The following ATXN1 variants were observed in gnomAD, a reference collection of about 807,000 sequenced individuals.
ATXN1 encodes ataxin-1.
Under a neutral mutation model 56.4 loss-of-function variants are expected in ATXN1, and 8 were observed. That is an observed-to-expected ratio of 0.14 (90% CI 0.08 to 0.26). The LOEUF (loss-of-function observed/expected upper bound fraction) is 0.26. Ranked by LOEUF, ATXN1 falls within the 10% of genes least tolerant of loss-of-function variation. The pLI, the probability that ATXN1 is intolerant of heterozygous loss-of-function variation, is 1.00. For synonymous variants in ATXN1, 514 were observed against 494.6 expected (o/e 1.04, Z -0.52); for missense variants, 987 against 1,106.5 (o/e 0.89, Z 1.53).
At chr6:16,695,061 C>A (rs1759134319) in intron 2 of ATXN1, among the ~76,000 whole-genome samples, 1 of 152,198 alleles carries the variant, frequency 6.6e-6, no homozygotes, top group African/African-American at 2.4e-5. Flanking sequence ...TTCACAACCA[C>A]CTACCACCCA....
At chr6:16,461,694 T>C (rs776474556) in intron 6 of ATXN1, among the ~76,000 whole-genome samples, 3 of 152,204 alleles carry the variant, frequency 2.0e-5, no homozygotes, top group Non-Finnish European at 2.9e-5. Flanking sequence ...AGATTTGGGC[T>C]TCCCCAAAGC....
intron 6 of ATXN1, among the ~76,000 whole-genome samples, chr6:16,475,233 A>G (rs1054424633): frequency 6.6e-6 from 1 of 152,166 alleles, no homozygotes; most frequent in Non-Finnish European, 1.5e-5. Flanking sequence ...TTATTCTACT[A>G]TATACATGTC....
intron 2 of ATXN1, among the ~76,000 whole-genome samples, chr6:16,683,112 C>T (rs1384785181): frequency 6.6e-6 from 1 of 151,530 alleles, no homozygotes; most frequent in African/African-American, 2.4e-5. Context: ...TCCCATCTGG[C>T]CATTAAAAAA....
chr6:16,605,601 G>T (rs141507325), intron 3 of ATXN1, among the ~76,000 whole-genome samples: 1,966 of 152,304 alleles, frequency 0.013, 41 homozygotes, highest in Admixed American at 0.058. Context: ...TATGCTCAGG[G>T]ATTCAGATGC....
intron 6 of ATXN1, among the ~76,000 whole-genome samples, chr6:16,472,606 TCA>T (rs1351164488): frequency 6.6e-6 from 1 of 152,192 alleles, no homozygotes; most frequent in East Asian, 1.9e-4. Context: ...AAGTCTCCTA[TCA>T]CACACTTCTT....
chr6:16,608,246 T>C (rs904477334), intron 3 of ATXN1, among the ~76,000 whole-genome samples: 1 of 152,206 alleles, frequency 6.6e-6, no homozygotes, highest in African/African-American at 2.4e-5. Context: ...TCTCTTTCTG[T>C]CTCTCTCCAA....
At chr6:16,547,180 G>C (rs1409226840) in intron 4 of ATXN1, among the ~76,000 whole-genome samples, 2 of 152,150 alleles carry the variant, frequency 1.3e-5, no homozygotes, top group East Asian at 3.8e-4. Context: ...GCAAATAAAA[G>C]GTTTTGCCTA....
At chr6:16,398,997 C>CCATT (rs1269110232) in intron 6 of ATXN1, among the ~76,000 whole-genome samples, 1 of 152,204 alleles carries the variant, frequency 6.6e-6, no homozygotes, top group Non-Finnish European at 1.5e-5. Flanking sequence ...GTGTGCTATT[C>CCATT]CATTAAACAT....
At chr6:16,549,388 C>T (rs1293528342) in intron 4 of ATXN1, among the ~76,000 whole-genome samples, 1 of 152,120 alleles carries the variant, frequency 6.6e-6, no homozygotes, top group Non-Finnish European at 1.5e-5. Flanking sequence ...TACAACATTA[C>T]TAGGCGATAA....
At chr6:16,365,377 C>T (rs1207188812) in intron 6 of ATXN1, among the ~76,000 whole-genome samples, 2 of 152,154 alleles carry the variant, frequency 1.3e-5, no homozygotes, top group Admixed American at 6.5e-5. Flanking sequence ...GGGGTTTCAC[C>T]ATGTTGGCCA....
At chr6:16,746,687 G>A (rs1760547538) in intron 2 of ATXN1, among the ~76,000 whole-genome samples, 1 of 152,058 alleles carries the variant, frequency 6.6e-6, no homozygotes, top group East Asian at 1.9e-4. Context: ...AATATAGATG[G>A]GGTGATAAAT....
chr6:16,314,434 C>A lies in ATXN1; in HGVS notation c.1918-7575G>T, dbSNP rs116928640. Among the ~76,000 whole-genome samples the A allele has an allele frequency of 1.3e-3, 191 of 152,254 alleles. 5 individuals are homozygous for A. The East Asian group carries it at 0.033, about 26-fold the overall frequency. On this transcript the variant is annotated intron_variant, in intron 7 of 7. Transcript: ENST00000436367. ...TGCTTGAAATTCCCTTGGAGAGGAG[C>A]CTTCTCCATCTCAAAACATGCTGTC...
At chr6:16,323,966 T>C (rs1251629249) in intron 7 of ATXN1, among the ~76,000 whole-genome samples, 1 of 152,120 alleles carries the variant, frequency 6.6e-6, no homozygotes, top group Non-Finnish European at 1.5e-5. Context: ...TGGGGAAATC[T>C]TTCTTGGGCC....
intron 6 of ATXN1, among the ~76,000 whole-genome samples, chr6:16,362,359 G>A (rs1221442948): frequency 6.6e-6 from 1 of 152,306 alleles, no homozygotes; most frequent in East Asian, 1.9e-4. Context: ...AAGGAGCCAC[G>A]TTACCCATTT....
At chr6:16,512,147 ACCC>A (rs1761095863) in intron 5 of ATXN1, among the ~76,000 whole-genome samples, 1 of 152,214 alleles carries the variant, frequency 6.6e-6, no homozygotes, top group South Asian at 2.1e-4. Context: ...AGATATCATT[ACCC>A]TCAAAGCCAG....
intron 2 of ATXN1, among the ~76,000 whole-genome samples, chr6:16,671,305 C>CTTTTTT (rs142311437): frequency 4.1e-5 from 3 of 73,512 alleles, no homozygotes; most frequent in African/African-American, 7.8e-5. Context: ...CTTTTCTTTT[C>CTTTTTT]TTTCTTTTTT....
intron 3 of ATXN1, among the ~76,000 whole-genome samples, chr6:16,600,335 T>C (rs1450073256): frequency 6.6e-6 from 1 of 152,236 alleles, no homozygotes. Flanking sequence ...TTACATTCCA[T>C]TAATACAGAT....
intron 2 of ATXN1, among the ~76,000 whole-genome samples, chr6:16,741,972 C>G (rs1245562521): frequency 6.6e-6 from 1 of 152,140 alleles, no homozygotes; most frequent in Non-Finnish European, 1.5e-5. Context: ...CAAGGGGTTA[C>G]AGAGGCTTAA....
intron 2 of ATXN1, among the ~76,000 whole-genome samples, chr6:16,713,855 G>A (rs865989171): frequency 4.6e-5 from 7 of 152,146 alleles, no homozygotes; most frequent in Admixed American, 1.3e-4. Context: ...AAATGTAATC[G>A]TCAAATCTTA....
Sources: allele counts gnomAD v4.1 joint callset (sites outside exome capture counted in the v4.1 genomes callset), GRCh38; gene constraint gnomAD v4.1.1; transcripts MANE v1.5; gene names NCBI Gene and HGNC (gene_info 2026-07-23, HGNC 2026-07-21).